The following SLC9A7 variants were observed in gnomAD, a reference collection of about 807,000 sequenced individuals.
The protein encoded by SLC9A7 is solute carrier family 9 member A7.
A neutral mutation model predicts 52.6 loss-of-function variants in SLC9A7; 19 were observed. That is an observed-to-expected ratio of 0.36 (90% confidence interval 0.25 to 0.53). The LOEUF (loss-of-function observed/expected upper bound fraction) is 0.53. SLC9A7 is among the 20% of genes least tolerant of loss of function. The pLI is 0.91. For missense variants in SLC9A7, 455 were observed against 597.9 expected, an observed-to-expected ratio of 0.76 and a Z score of 2.49; for synonymous variants, 226 against 252.1, an observed-to-expected ratio of 0.90 and a Z score of 0.98.
Position 46,606,998 on chromosome X carries a change from G to C in SLC9A7, c.2135C>G (p.Ser712Trp), listed in dbSNP as rs780176982. ...AAACACTAGGCGGGTGCCCCGGCTC[G>C]AAACCTTCTGGTCTCCCATTCCCAG... is the stretch of plus-strand genomic sequence containing the variant. ...RDLGMGDQKV[S>W]SRGTRLVFPL... The change falls in exon 17 of 17, where the codon TCG becomes TGG. Residue 712 changes from serine to tryptophan, a missense_variant. By Grantham distance (177) the Ser-to-Trp change is radical. Around this residue, in one of 3 missense-constraint regions of SLC9A7, gnomAD observed 146 missense variants for 160.5 expected, o/e 0.91. Transcript: ENST00000616978. 65 of 1,209,080 alleles carry C rather than the reference G, an allele frequency of 5.4e-5. No individual in the cohort carries two copies. The highest frequency in any genetic ancestry group is 7.0e-5 in the Non-Finnish European group (63 of 895,000).
At chrX:46,725,850 G>A in intron 1 of SLC9A7, 1 of 522,011 alleles carries the variant, frequency 1.9e-6, no homozygotes, top group Admixed American at 2.4e-5. Flanking sequence ...CCAAACACTG[G>A]AGCAAAACCA....
chrX:46,749,520 T>G (rs1289236662), intron 1 of SLC9A7, among the ~76,000 whole-genome samples: 1 of 111,576 alleles, frequency 9.0e-6, no homozygotes, highest in Non-Finnish European at 1.9e-5. Context: ...TTCAAGCAAC[T>G]ACTCTCATGT....
At chrX:46,740,903 CA>C (rs202063535) in intron 1 of SLC9A7, among the ~76,000 whole-genome samples, 137 of 91,761 alleles carry the variant, frequency 1.5e-3, no homozygotes, top group African/African-American at 4.4e-3. Context: ...ATGAAATAAG[CA>C]AAAAAAAAAA....
At chrX:46,688,629 G>C (rs905139707) in intron 1 of SLC9A7, among the ~76,000 whole-genome samples, 1 of 107,165 alleles carries the variant, frequency 9.3e-6, no homozygotes, top group Non-Finnish European at 1.9e-5. Context: ...GTTATAGTTT[G>C]TTTACAGGCA....
At chrX:46,694,883 G>T (rs1363524188) in intron 1 of SLC9A7, among the ~76,000 whole-genome samples, 1 of 112,229 alleles carries the variant, frequency 8.9e-6, no homozygotes, top group Non-Finnish European at 1.9e-5. Context: ...TATCCATACA[G>T]TAGAAAAAGG....
chrX:46,616,328 A>C (rs867195505), intron 15 of SLC9A7, among the ~76,000 whole-genome samples: 5 of 91,499 alleles, frequency 5.5e-5, no homozygotes, highest in African/African-American at 8.4e-5. Context: ...AAAAAAAAAA[A>C]CCCACCCCCC....
intron 1 of SLC9A7, among the ~76,000 whole-genome samples, chrX:46,730,696 ATATATATATATAT>A: frequency 1.3e-5 from 1 of 76,247 alleles, no homozygotes; most frequent in African/African-American, 4.4e-5. Context: ...ATATATATAT[ATATATATATATAT>A]AAAATGGATG....
intron 16 of SLC9A7, among the ~76,000 whole-genome samples, chrX:46,608,806 C>T (rs1184188070): frequency 9.0e-6 from 1 of 111,006 alleles, no homozygotes; most frequent in African/African-American, 3.3e-5. Context: ...CCATCATGCC[C>T]AGCTAATTTT....
At chrX:46,643,434 C>T (rs377220334) in intron 11 of SLC9A7, 45 bp from the exon 12 acceptor site, 57 of 1,124,174 alleles carry the variant, frequency 5.1e-5, no homozygotes, top group Non-Finnish European at 6.4e-5. Context: ...GATTAAATGA[C>T]AATGTTGTCT....
At chrX:46,675,829 C>T (rs1439047870) in intron 3 of SLC9A7, among the ~76,000 whole-genome samples, 5 of 112,176 alleles carry the variant, frequency 4.5e-5, no homozygotes, top group Non-Finnish European at 9.4e-5. Flanking sequence ...CTCAGTCTAT[C>T]AGCATTACAT....
chrX:46,653,760 G>A (rs1301859022), intron 7 of SLC9A7, 46 bp from the exon 8 acceptor site: 2 of 1,007,792 alleles, frequency 2.0e-6, no homozygotes, highest in East Asian at 6.1e-5. Context: ...ATGTATCAGG[G>A]CCACCAAGAA....
intron 7 of SLC9A7, among the ~76,000 whole-genome samples, chrX:46,655,054 G>A (rs191793065): frequency 1.0e-5 from 1 of 98,796 alleles, no homozygotes; most frequent in African/African-American, 3.8e-5. Flanking sequence ...GCACGGCCTC[G>A]GCTCACTGCA....
intron 1 of SLC9A7, among the ~76,000 whole-genome samples, chrX:46,708,259 G>A (rs1944634651): frequency 8.9e-6 from 1 of 112,081 alleles, no homozygotes; most frequent in Non-Finnish European, 1.9e-5. Context: ...CAGGCATGGT[G>A]ACTCACACCT....
chrX:46,703,665 A>G (rs1055953630), intron 1 of SLC9A7, among the ~76,000 whole-genome samples: 6 of 111,763 alleles, frequency 5.4e-5, no homozygotes, highest in African/African-American at 2.0e-4. Flanking sequence ...TGTCTCCTCC[A>G]AAGGGTACCA....
intron 1 of SLC9A7, among the ~76,000 whole-genome samples, chrX:46,708,494 C>A (rs1301206414): frequency 9.1e-6 from 1 of 109,800 alleles, no homozygotes; most frequent in East Asian, 2.9e-4. Context: ...CGCACCACTG[C>A]ACTCCAGCCT....
rs756427612 is a variant in SLC9A7 at position 46,662,572 on chromosome X, C to T, written c.865G>A (p.Val289Ile). Residue 289 changes from valine to isoleucine, a missense_variant, in exon 6 of 17, where the codon GTC (valine) becomes ATC (isoleucine). Transcript: ENST00000616978. ...DLYALLFGES[V>I]LNDAVAIVLS... ...ACAATGGCAACAGCATCATTTAGGA[C>T]GCTCTCTCCAAAAAGAAGTGCGTAA... 26 of 1,207,205 alleles carry T rather than the reference C, an allele frequency of 2.2e-5. 1 individual carries two copies. Among genetic ancestry groups the T allele is most frequent in the South Asian group, 5.3e-5 (3 of 56,722 alleles).
In SLC9A7 at chrX:46,651,223, G is replaced by A; in HGVS notation, c.1237C>T (p.Leu413Phe). 1 of 1,192,338 alleles carries A rather than the reference G, an allele frequency of 8.4e-7. No homozygotes were observed. Among genetic ancestry groups the A allele is most frequent in the Non-Finnish European group, 1.1e-6 (1 of 878,926 alleles). The stretch of plus-strand genomic sequence containing the variant: ...GCCAGGAAATGTAACACCTCAAAGA[G>A]CTGCACAGAGAAGGGAAAAGGAAGC... ...SVESRSRTKQ[L>F]FEVLHFLAEN... The change falls in exon 10 of 17, where the codon CTC becomes TTC. Residue 413 changes from leucine to phenylalanine, a missense_variant and splice_region_variant. By Grantham distance (22) the Leu-to-Phe change is conservative. Around this residue, in one of 3 missense-constraint regions of SLC9A7, gnomAD observed 304 missense variants for 417.8 expected, o/e 0.73. Transcript: ENST00000616978.
In SLC9A7 at chrX:46,707,438, G is replaced by A. The variant is rs756975182; in HGVS notation, c.326-24903C>T. 1.4e-3 allele frequency among the ~76,000 whole-genome samples: 159 copies of A among 111,678 alleles called. 2 individuals are homozygous for A. Among genetic ancestry groups the A allele is most frequent in the African/African-American group, 4.8e-3 (146 of 30,730 alleles). ...CCAGGCAGCCCCTACCAAAAAGCCCGCGTCACTAGCCAGCATCCTCTCAAT... is the reference window on the plus strand; with the variant it reads ...CCAGGCAGCCCCTACCAAAAAGCCCACGTCACTAGCCAGCATCCTCTCAAT... On this transcript the variant is annotated intron_variant, in intron 1 of 16. Transcript: ENST00000616978.
intron 7 of SLC9A7, among the ~76,000 whole-genome samples, chrX:46,655,783 C>T (rs754864318): frequency 2.2e-3 from 251 of 112,551 alleles, no homozygotes; most frequent in Middle Eastern, 4.6e-3. Context: ...AAGGCGGCAG[C>T]GAGGCTGGGG....
Sources: allele counts gnomAD v4.1 joint callset (sites outside exome capture counted in the v4.1 genomes callset), GRCh38; gene constraint gnomAD v4.1.1; regional missense constraint gnomAD v4.1.1; transcripts MANE v1.5; gene names NCBI Gene and HGNC (gene_info 2026-07-23, HGNC 2026-07-21).